Variants in MED27 observed in about 807,000 individuals in gnomAD.
MED27 encodes mediator complex subunit 27.
MED27 carries 30 observed loss-of-function variants against 38.2 expected under a neutral mutation model. The observed-to-expected ratio is 0.79, with a 90% CI of 0.59 to 1.07. The LOEUF (loss-of-function observed/expected upper bound fraction) is 1.07, where lower values mean the gene tolerates loss of function less well. Ranked by LOEUF, MED27 falls within the 50% of genes least tolerant of loss-of-function variation. The pLI is 0.00. For synonymous variants in MED27, 122 were observed against 153.5 expected (o/e 0.79, Z 1.52); for missense variants, 289 against 397.5 (o/e 0.73, Z 2.32).
In MED27 at chr9:131,872,938, C is replaced by A. The variant is rs545245895; in HGVS notation, c.724-9798G>T. ...TCCTCTGTGTGGGAAGCCTCTGTGC[C>A]GCTCAGCCAGACTTTGGAGCACTCA... On this transcript the variant is annotated intron_variant, in intron 6 of 7. Transcript: ENST00000292035. This position sits in a 1 kb window ranked among gnomAD's most constrained non-coding sequence, Gnocchi z 5.6. Among the ~76,000 whole-genome samples the A allele has an allele frequency of 6.6e-6, 1 of 152,234 alleles. No homozygotes were observed. The highest frequency in any genetic ancestry group is 2.4e-5 in the African/African-American group (1 of 41,456).
At chr9:131,943,753 A>G (rs1212174231) in intron 3 of MED27, among the ~76,000 whole-genome samples, 1 of 152,190 alleles carries the variant, frequency 6.6e-6, no homozygotes, top group Non-Finnish European at 1.5e-5. Context: ...ATAACTTGGA[A>G]AGACTGCTGT....
chr9:131,879,928 A>T (rs907636311), intron 6 of MED27, among the ~76,000 whole-genome samples: 10 of 152,226 alleles, frequency 6.6e-5, no homozygotes, highest in Non-Finnish European at 1.5e-4. Context: ...TTGCCACCGA[A>T]TCCTTCTCTT....
chr9:132,071,836 T>TACACACACCCCATGAACAAGC (rs1833946778), intron 2 of MED27, among the ~76,000 whole-genome samples: 1 of 137,460 alleles, frequency 7.3e-6, no homozygotes, highest in Admixed American at 7.2e-5. Context: ...AGTACACACA[T>TACACACACCCCATGAACAAGC]ACACACACCC....
intron 2 of MED27, chr9:132,073,737 C>G (rs1283961993): frequency 1.3e-6 from 2 of 1,514,078 alleles, no homozygotes; most frequent in Admixed American, 4.4e-5. Flanking sequence ...TAGAAAGTTG[C>G]TCTTTCTGTA....
chr9:131,906,378 C>T (rs1830062464), intron 4 of MED27, among the ~76,000 whole-genome samples: 1 of 152,214 alleles, frequency 6.6e-6, no homozygotes, highest in Non-Finnish European at 1.5e-5. Flanking sequence ...GTCATCCATG[C>T]CCAGTGCCGG....
At chr9:131,876,073 C>T (rs143945245) in intron 6 of MED27, among the ~76,000 whole-genome samples, 224 of 152,304 alleles carry the variant, frequency 1.5e-3, no homozygotes, top group African/African-American at 5.2e-3. Flanking sequence ...TCAGCCTGGG[C>T]TTAGAGAGCG....
chr9:132,002,169 G>A (rs1373575528), intron 3 of MED27, among the ~76,000 whole-genome samples: 1 of 152,132 alleles, frequency 6.6e-6, no homozygotes, highest in African/African-American at 2.4e-5. Flanking sequence ...CGTAACTGAG[G>A]TTTAGAAACA....
At chr9:132,054,296 A>G (rs1833527648) in intron 2 of MED27, among the ~76,000 whole-genome samples, 1 of 152,104 alleles carries the variant, frequency 6.6e-6, no homozygotes, top group Non-Finnish European at 1.5e-5. Context: ...TGACCATGTG[A>G]GGTACCTGCT....
At position 132,003,916 on chromosome 9, in the gene MED27, G is replaced by C. The variant is rs144588546; in HGVS notation, c.479+10421C>G. ...TCTGCACCTTTAGATTCCCGGTGTG[G>C]TCAAACATACATCTGGCCTGTGGAA... On this transcript the variant is annotated intron_variant, in intron 3 of 7. Transcript: ENST00000292035. The surrounding 1 kb of genome is among the most constrained non-coding windows in gnomAD (Gnocchi z 4.2). 5.2e-3 allele frequency among the ~76,000 whole-genome samples: 785 copies of C among 152,172 alleles called. 13 individuals are homozygous for C. The highest frequency in any genetic ancestry group is 0.017 in the African/African-American group (724 of 41,486).
chr9:131,902,135 C>T (rs1183490107), intron 4 of MED27, among the ~76,000 whole-genome samples: 1 of 152,158 alleles, frequency 6.6e-6, no homozygotes, highest in Non-Finnish European at 1.5e-5. Context: ...CCTGGCTTCC[C>T]TCACAAATGA....
intron 5 of MED27, among the ~76,000 whole-genome samples, chr9:131,891,636 T>C (rs1233385388): frequency 6.6e-6 from 1 of 152,106 alleles, no homozygotes; most frequent in African/African-American, 2.4e-5. Context: ...TAACATCTAT[T>C]AATATCCTAC....
chr9:131,914,792 G>A (rs928392330), intron 4 of MED27, among the ~76,000 whole-genome samples: 4 of 152,226 alleles, frequency 2.6e-5, no homozygotes, highest in African/African-American at 9.6e-5. Flanking sequence ...CCAGTTGGGA[G>A]GATGTGGAGA....
intron 6 of MED27, among the ~76,000 whole-genome samples, chr9:131,874,537 G>C (rs1043750545): frequency 2.0e-5 from 3 of 152,122 alleles, no homozygotes; most frequent in African/African-American, 7.2e-5. Flanking sequence ...AAAGGGGAGC[G>C]GAGTGAGAGG....
rs115004732 is a variant in MED27, at chr9:131,918,700, C to T, written c.573+20681G>A. Reference sequence around the variant, plus strand: ...AGCAACTCCTTCTGCTTCCTGTACGCGGCCATTTTCTTCAACAGTAGGATC... The same window carrying T: ...AGCAACTCCTTCTGCTTCCTGTACGTGGCCATTTTCTTCAACAGTAGGATC... On this transcript the variant is annotated intron_variant, in intron 4 of 7. Coordinates refer to ENST00000292035, the MANE Select transcript of MED27 (RefSeq NM_004269.4). Among the ~76,000 whole-genome samples the T allele has an allele frequency of 1.6e-3, 241 of 151,718 alleles. 1 individual carries two copies. The highest frequency in any genetic ancestry group is 5.2e-3 in the African/African-American group (214 of 41,358).
At chr9:131,976,056 G>A (rs1043800481) in intron 3 of MED27, among the ~76,000 whole-genome samples, 6 of 152,152 alleles carry the variant, frequency 3.9e-5, no homozygotes, top group Non-Finnish European at 5.9e-5. Flanking sequence ...AGTTTTCCAC[G>A]AAGGGCTGTA....
At chr9:131,869,367 G>C (rs1373205408) in intron 6 of MED27, 1 of 977,258 alleles carries the variant, frequency 1.0e-6, no homozygotes, top group Non-Finnish European at 1.2e-6. Flanking sequence ...CAGCATCCAA[G>C]ACTTGGAAAA....
chr9:131,938,533 T>C (rs767203356), intron 4 of MED27, among the ~76,000 whole-genome samples: 2 of 152,132 alleles, frequency 1.3e-5, no homozygotes, highest in Non-Finnish European at 2.9e-5. Context: ...CCACTGTATT[T>C]CCAAAACACA....
intron 4 of MED27, among the ~76,000 whole-genome samples, chr9:131,902,285 G>A (rs1829963106): frequency 6.6e-6 from 1 of 152,152 alleles, no homozygotes; most frequent in Middle Eastern, 3.2e-3. Context: ...GAGTCGTGCT[G>A]GGCGGAACTG....
At position 131,863,048 on chromosome 9, in the gene MED27, CTT is replaced by C. The variant is rs1224474902; in HGVS notation, c.801+13_801+14del. The C allele has an allele frequency of 6.2e-7, 1 of 1,613,224 alleles. No homozygotes were observed. The highest frequency in any genetic ancestry group is 8.5e-7 in the Non-Finnish European group (1 of 1,179,298). The stretch of plus-strand genomic sequence containing the variant: ...TGAGGTTTAAACAGGAGACCTGACT[CTT>C]GAAGCCACTTACCATGAAGGATCGG... On this transcript the variant is annotated intron_variant, in intron 7 of 7. Coordinates refer to ENST00000292035, the MANE Select transcript of MED27 (RefSeq NM_004269.4).
Sources: gnomAD v4.1 joint callset for allele counts (sites outside exome capture counted in the v4.1 genomes callset) on GRCh38, gnomAD v4.1.1 for gene constraint, Gnocchi (gnomAD v3.1) non-coding constraint, MANE v1.5 for transcripts, NCBI Gene and HGNC (gene_info 2026-07-23, HGNC 2026-07-21) for gene names.